MGAT4C: variants seen among roughly 807,000 people sequenced by gnomAD.
The protein encoded by MGAT4C is MGAT4 family member C.
MGAT4C carries 19 observed loss-of-function variants against 40.1 expected under a neutral mutation model. That is an observed-to-expected ratio of 0.47 (90% confidence interval 0.33 to 0.70). The LOEUF (loss-of-function observed/expected upper bound fraction) is 0.70, where lower values mean the gene tolerates loss of function less well. MGAT4C is among the 30% of genes least tolerant of loss of function. The pLI is 0.02. For missense variants in MGAT4C, 491 were observed against 563.2 expected, an observed-to-expected ratio of 0.87 and a Z score of 1.30; for synonymous variants, 181 against 187.1, an observed-to-expected ratio of 0.97 and a Z score of 0.27.
intron 2 of MGAT4C, among the ~76,000 whole-genome samples, chr12:86,445,157 C>T (rs1352004088): frequency 1.3e-5 from 2 of 152,240 alleles, no homozygotes; most frequent in Middle Eastern, 3.4e-3. Context: ...TATCAAATCT[C>T]ACACTTTAAA....
intron 2 of MGAT4C, chr12:86,028,119 T>A (rs1890401578): frequency 7.8e-7 from 1 of 1,287,874 alleles, no homozygotes; most frequent in East Asian, 5.6e-5. Flanking sequence ...ATCTTCTGGA[T>A]CCCTTTGCCA....
intron 1 of MGAT4C, among the ~76,000 whole-genome samples, chr12:86,737,921 GCTTTTT>G (rs2136126805): frequency 6.6e-6 from 1 of 151,538 alleles, no homozygotes; most frequent in South Asian, 2.1e-4. Context: ...CTATTTCTCT[GCTTTTT>G]CTTTTACTTT....
chr12:86,035,790 C>T (rs1245554065), intron 2 of MGAT4C, among the ~76,000 whole-genome samples: 1 of 149,876 alleles, frequency 6.7e-6, no homozygotes, highest in Non-Finnish European at 1.5e-5. Flanking sequence ...CAGCTTTGTG[C>T]ATATGGCTAG....
intron 1 of MGAT4C, among the ~76,000 whole-genome samples, chr12:86,154,452 A>G (rs1412714775): frequency 6.6e-6 from 1 of 152,136 alleles, no homozygotes; most frequent in East Asian, 1.9e-4. Context: ...GCAAAATACC[A>G]TTCACTGTGG....
intron 2 of MGAT4C, among the ~76,000 whole-genome samples, chr12:86,600,204 T>G (rs1961713224): frequency 6.6e-6 from 1 of 152,114 alleles, no homozygotes; most frequent in Admixed American, 6.5e-5. Context: ...GAAGGACAGT[T>G]ATGACAGATG....
At chr12:86,706,344 G>A (rs1950458036) in intron 2 of MGAT4C, among the ~76,000 whole-genome samples, 1 of 151,974 alleles carries the variant, frequency 6.6e-6, no homozygotes, top group Admixed American at 6.6e-5. Context: ...GATTTTTTAG[G>A]GCTATTTTAA....
At chr12:86,324,178 A>G (rs1219302727) in intron 4 of MGAT4C, among the ~76,000 whole-genome samples, 1 of 151,888 alleles carries the variant, frequency 6.6e-6, no homozygotes, top group Non-Finnish European at 1.5e-5. Context: ...TTCTTATTCT[A>G]TGGTTATGTA....
intron 4 of MGAT4C, among the ~76,000 whole-genome samples, chr12:86,282,392 T>C (rs1461114851): frequency 2.0e-5 from 3 of 152,116 alleles, no homozygotes. Context: ...GTTTTGAATA[T>C]TGGAGTTTTC....
chr12:86,782,946 A>G (rs1278447083), intron 1 of MGAT4C, among the ~76,000 whole-genome samples: 1 of 152,236 alleles, frequency 6.6e-6, no homozygotes, highest in Non-Finnish European at 1.5e-5. Flanking sequence ...ACCGGTCTGT[A>G]GTATTTTGTT....
intron 4 of MGAT4C, among the ~76,000 whole-genome samples, chr12:86,281,549 A>G (rs2136118647): frequency 6.6e-6 from 1 of 152,058 alleles, no homozygotes; most frequent in East Asian, 1.9e-4. Flanking sequence ...TTTAATTTTT[A>G]ATTTTTCTAT....
intron 3 of MGAT4C, among the ~76,000 whole-genome samples, chr12:86,354,196 C>G (rs1436206984): frequency 1.3e-5 from 2 of 152,074 alleles, no homozygotes; most frequent in Non-Finnish European, 2.9e-5. Flanking sequence ...GAAGTTGGGT[C>G]ATATCATTCA....
intron 3 of MGAT4C, among the ~76,000 whole-genome samples, chr12:86,427,786 T>C (rs1382488978): frequency 1.3e-5 from 2 of 152,138 alleles, no homozygotes; most frequent in Non-Finnish European, 2.9e-5. Context: ...TCTGGGAGGC[T>C]GAGGAGGGTG....
chr12:86,545,069 C>T (rs1022939965), intron 2 of MGAT4C, among the ~76,000 whole-genome samples: 2 of 151,956 alleles, frequency 1.3e-5, no homozygotes, highest in Non-Finnish European at 2.9e-5. Flanking sequence ...ATAAATATTT[C>T]TCGCTATGGA....
intron 2 of MGAT4C, among the ~76,000 whole-genome samples, chr12:86,543,290 T>C (rs1410604958): frequency 1.3e-5 from 2 of 151,486 alleles, no homozygotes; most frequent in South Asian, 2.1e-4. Flanking sequence ...ATAATAATCA[T>C]ATATTATTAA....
At position 86,818,766 on chromosome 12, in the gene MGAT4C, A is replaced by C. The variant is rs12311977; in HGVS notation, c.-262+19900T>G. 9.6e-3 allele frequency among the ~76,000 whole-genome samples: 1,450 copies of C among 151,346 alleles called. 26 individuals are homozygous for C. Among genetic ancestry groups the C allele is most frequent in the African/African-American group, 0.033 (1,387 of 41,486 alleles). On this transcript the variant is annotated intron_variant, in intron 1 of 7. Coordinates refer to the MGAT4C transcript ENST00000548651. ...TCATCTCAAGTGCTAGAACAGAAAC[A>C]CATATGATAAAGAACTTCAGTAATG... is the stretch of plus-strand genomic sequence containing the variant.
Position 86,172,757 on chromosome 12 carries a change from A to C in MGAT4C, c.-57+83482T>G, listed in dbSNP as rs1438857186. Among the ~76,000 whole-genome samples the C allele has an allele frequency of 1.3e-5, 2 of 152,112 alleles. 1 individual carries two copies. Among genetic ancestry groups the C allele is most frequent in the South Asian group, 4.1e-4 (2 of 4,830 alleles). ...GATATTATGTTTTTTAATGATTAGC[A>C]CTTAATTTTTTTAGATTAGTGATGG... On this transcript the variant is annotated intron_variant, in intron 1 of 4. Coordinates refer to ENST00000611864, the MANE Select transcript of MGAT4C (RefSeq NM_001351288.2).
intron 2 of MGAT4C, among the ~76,000 whole-genome samples, chr12:86,576,556 A>T (rs1290831064): frequency 2.6e-5 from 4 of 151,882 alleles, no homozygotes; most frequent in Non-Finnish European, 5.9e-5. Flanking sequence ...AAGTTTTTCC[A>T]GCACCATTTA....
At chr12:86,709,200 G>T (rs1950514863) in intron 2 of MGAT4C, among the ~76,000 whole-genome samples, 1 of 152,038 alleles carries the variant, frequency 6.6e-6, no homozygotes, top group Admixed American at 6.6e-5. Flanking sequence ...TTTTATAAGG[G>T]AAGTTTCCCT....
At chr12:85,996,577 A>C (rs1330875340) in intron 2 of MGAT4C, among the ~76,000 whole-genome samples, 1 of 152,194 alleles carries the variant, frequency 6.6e-6, no homozygotes, top group Non-Finnish European at 1.5e-5. Context: ...TAAAGACAAA[A>C]AATGAGTTAA....
Sources: allele counts gnomAD v4.1 joint callset (sites outside exome capture counted in the v4.1 genomes callset), GRCh38; gene constraint gnomAD v4.1.1; transcripts MANE v1.5; gene names NCBI Gene and HGNC (gene_info 2026-07-23, HGNC 2026-07-21).